PRKAG2: variants seen among roughly 807,000 people sequenced by gnomAD.
PRKAG2 encodes 5'-AMP-activated protein kinase subunit gamma-2.
In PRKAG2, 26 loss-of-function variants were observed where a neutral mutation model predicts 69.6. The ratio of observed to expected loss-of-function variants is 0.37; its 90% CI spans 0.27 to 0.52. The LOEUF (loss-of-function observed/expected upper bound fraction) is 0.52, where lower values mean the gene tolerates loss of function less well. PRKAG2 is among the 20% of genes least tolerant of loss of function. PRKAG2 has a pLI of 0.90. For synonymous variants in PRKAG2, 293 were observed against 285.0 expected (o/e 1.03, Z -0.28); for missense variants, 557 against 740.0 (o/e 0.75, Z 2.87).
Position 151,611,647 on chromosome 7 carries a change from A to C in PRKAG2, c.755-16193T>G, listed in dbSNP as rs117642779. On this transcript the variant is annotated intron_variant, in intron 5 of 15. Transcript: ENST00000287878. ...CCATCCCACCAGGACAAGTGGCAGG[A>C]ACCGCAGGGAAAGCTGGAAACACAA... 3.6e-3 allele frequency among the ~76,000 whole-genome samples: 554 copies of C among 152,274 alleles called. 18 individuals carry two copies. In the East Asian group the frequency reaches 0.063, roughly 17 times the overall value.
At chr7:151,736,909 A>T (rs1032535782) in intron 3 of PRKAG2, among the ~76,000 whole-genome samples, 1 of 152,172 alleles carries the variant, frequency 6.6e-6, no homozygotes, top group African/African-American at 2.4e-5. Flanking sequence ...CAGGGAGGTG[A>T]CTTCCCCAAG....
chr7:151,697,979 G>A (rs1214734753), intron 3 of PRKAG2, among the ~76,000 whole-genome samples: 2 of 152,166 alleles, frequency 1.3e-5, no homozygotes, highest in Non-Finnish European at 2.9e-5. Context: ...ACGGCAGAGG[G>A]AGGTGCATTT....
chr7:151,779,783 T>C (rs1352240328), intron 3 of PRKAG2, among the ~76,000 whole-genome samples: 1 of 152,172 alleles, frequency 6.6e-6, no homozygotes, highest in Non-Finnish European at 1.5e-5. Flanking sequence ...GCACACATCC[T>C]CCTTCTCTTT....
rs1241198320 is a variant in PRKAG2, at chr7:151,807,650, G to C, written c.115-21109C>G. The C allele has an allele frequency of 4.4e-6, 2 of 456,750 alleles. No homozygotes were observed. The highest frequency in any genetic ancestry group is 8.8e-6 in the Non-Finnish European group (2 of 226,166). 28.3% of individuals were successfully genotyped at this position (456,750 alleles called of 1,614,324 possible). A position where few individuals can be genotyped will look rare whatever the true frequency, so the allele number is the denominator to read the frequency against. Reference sequence around the variant, plus strand: ...TTCTCCAACAGGTAAGTCCCAGCAGGGTGCGATGTCCCAAACCTACACAAC... The same window carrying C: ...TTCTCCAACAGGTAAGTCCCAGCAGCGTGCGATGTCCCAAACCTACACAAC... On this transcript the variant is annotated intron_variant, in intron 1 of 15. Transcript: ENST00000287878. This position sits in a 1 kb window ranked among gnomAD's most constrained non-coding sequence, Gnocchi z 4.4.
intron 1 of PRKAG2, among the ~76,000 whole-genome samples, chr7:151,869,668 G>A (rs1299802510): frequency 6.6e-6 from 1 of 152,238 alleles, no homozygotes; most frequent in African/African-American, 2.4e-5. Flanking sequence ...CTGTCTAGCT[G>A]CCCGTTCCCT....
intron 4 of PRKAG2, among the ~76,000 whole-genome samples, chr7:151,669,808 A>ACG (rs151075091): frequency 6.9e-6 from 1 of 145,706 alleles, no homozygotes; most frequent in African/African-American, 2.7e-5. Context: ...ACACACTTGC[A>ACG]CACACACACA....
At chr7:151,689,304 C>T (rs1782146075) in intron 3 of PRKAG2, among the ~76,000 whole-genome samples, 2 of 152,180 alleles carry the variant, frequency 1.3e-5, no homozygotes, top group Non-Finnish European at 2.9e-5. Flanking sequence ...AGGGCTCCCT[C>T]TGATCATCCA....
chr7:151,839,180 A>G (rs2079218559), intron 1 of PRKAG2, among the ~76,000 whole-genome samples: 1 of 152,220 alleles, frequency 6.6e-6, no homozygotes, highest in African/African-American at 2.4e-5. Context: ...GCTGCACCAG[A>G]AGCTTCCTAG....
chr7:151,804,337 C>T (rs1162141692), intron 1 of PRKAG2, among the ~76,000 whole-genome samples: 1 of 152,138 alleles, frequency 6.6e-6, no homozygotes, highest in East Asian at 1.9e-4. Flanking sequence ...GCATAAGTTC[C>T]CAGAAGTGTG....
chr7:151,693,322 C>A (rs535862138), intron 3 of PRKAG2, among the ~76,000 whole-genome samples: 1 of 152,186 alleles, frequency 6.6e-6, no homozygotes, highest in South Asian at 2.1e-4. Context: ...GAGGGGCGCA[C>A]GAGGGGTTCC....
intron 5 of PRKAG2, among the ~76,000 whole-genome samples, chr7:151,607,292 G>GT (rs1023670839): frequency 6.0e-5 from 9 of 150,754 alleles, no homozygotes; most frequent in African/African-American, 1.5e-4. Flanking sequence ...ACCTTTGTTT[G>GT]TTTTTTTGAG....
intron 6 of PRKAG2, among the ~76,000 whole-genome samples, chr7:151,582,624 C>T (rs78429294): frequency 0.011 from 1,671 of 152,328 alleles, 18 homozygotes; most frequent in Middle Eastern, 0.044. Flanking sequence ...TTCTTGTCAA[C>T]GAGCTAAGGT....
chr7:151,797,133 G>A (rs2077588357), intron 1 of PRKAG2, among the ~76,000 whole-genome samples: 1 of 152,082 alleles, frequency 6.6e-6, no homozygotes, highest in Non-Finnish European at 1.5e-5. Flanking sequence ...CCAGCCACGA[G>A]GTGAAAGTGA....
At chr7:151,592,044 G>A (rs1363903971) in intron 6 of PRKAG2, among the ~76,000 whole-genome samples, 3 of 152,142 alleles carry the variant, frequency 2.0e-5, no homozygotes, top group Non-Finnish European at 2.9e-5. Flanking sequence ...TCGCCAGGCC[G>A]AGACGGGGCT....
At chr7:151,720,488 A>C (rs533955483) in intron 3 of PRKAG2, among the ~76,000 whole-genome samples, 20 of 151,508 alleles carry the variant, frequency 1.3e-4, no homozygotes, top group African/African-American at 4.8e-4. Context: ...GTGGAAAACA[A>C]TTTTCTTAAA....
rs972041919 is a variant in PRKAG2, at chr7:151,788,751, T to C, written c.115-2210A>G. 6.6e-6 allele frequency among the ~76,000 whole-genome samples: 1 copy of C among 152,362 alleles called. No individual in the cohort carries two copies. Among genetic ancestry groups the C allele is most frequent in the Non-Finnish European group, 1.5e-5 (1 of 68,032 alleles). On this transcript the variant is annotated intron_variant, in intron 1 of 15. Transcript: ENST00000287878. The surrounding 1 kb of genome is among the most constrained non-coding windows in gnomAD (Gnocchi z 4.6). Reference sequence around the variant, plus strand: ...GTGTCATGAAGCTTTTCCCGTATGTTTTCTTCTAAGAGTTTTATATTTTAT... The same window carrying C: ...GTGTCATGAAGCTTTTCCCGTATGTCTTCTTCTAAGAGTTTTATATTTTAT...
chr7:151,848,510 G>GTT (rs2079490600), intron 1 of PRKAG2, among the ~76,000 whole-genome samples: 5 of 83,986 alleles, frequency 6.0e-5, no homozygotes, highest in South Asian at 3.8e-4. Context: ...AATACTGCAT[G>GTT]TCTTTTTTTT....
intron 5 of PRKAG2, among the ~76,000 whole-genome samples, chr7:151,600,366 T>C (rs1027536295): frequency 6.6e-6 from 1 of 152,244 alleles, no homozygotes; most frequent in Non-Finnish European, 1.5e-5. Context: ...CAAGTGATAC[T>C]AACCAAGCTC....
rs1173711322 is a variant in PRKAG2, at chr7:151,835,384, G to T, written c.114+41123C>A. 2.0e-5 allele frequency among the ~76,000 whole-genome samples: 3 copies of T among 151,468 alleles called. No individual in the cohort carries two copies. The highest frequency in any genetic ancestry group is 2.9e-5 in the Non-Finnish European group (2 of 67,890). ...ATTATTTTTAATTTTTTGTAGAGAC[G>T]GGTCTCCCTATGTTGCCCAGGCTGG... On this transcript the variant is annotated intron_variant, in intron 1 of 15. Coordinates refer to ENST00000287878, the MANE Select transcript of PRKAG2 (RefSeq NM_016203.4). This position sits in a 1 kb window ranked among gnomAD's most constrained non-coding sequence, Gnocchi z 4.1.
Sources: gnomAD v4.1 joint callset for allele counts (sites outside exome capture counted in the v4.1 genomes callset) on GRCh38, gnomAD v4.1.1 for gene constraint, Gnocchi (gnomAD v3.1) non-coding constraint, MANE v1.5 for transcripts, NCBI Gene and HGNC (gene_info 2026-07-23, HGNC 2026-07-21) for gene names.